The following FMN2 variants were observed in gnomAD, a reference collection of about 807,000 sequenced individuals.
FMN2 encodes formin 2.
A neutral mutation model predicts 142.3 loss-of-function variants in FMN2; 51 were observed. That is an observed-to-expected ratio of 0.36 (90% CI 0.29 to 0.45). The LOEUF (loss-of-function observed/expected upper bound fraction) is 0.45. Ranked by LOEUF, FMN2 falls within the 20% of genes least tolerant of loss-of-function variation. FMN2 has a pLI of 1.00. For missense variants in FMN2, 1,936 were observed against 2,122.8 expected, an observed-to-expected ratio of 0.91 and a Z score of 1.73; for synonymous variants, 882 against 869.8, an observed-to-expected ratio of 1.01 and a Z score of -0.25.
In FMN2 at chr1:240,438,072, C is replaced by T. The variant is rs1675462971; in HGVS notation, c.4922C>T (p.Thr1641Ile). The change falls in exon 16 of 18, where the codon ACC becomes ATC. Residue 1641 changes from threonine to isoleucine, a missense_variant. Thr to Ile is a moderately conservative substitution (Grantham distance 89, BLOSUM62 -1). Coordinates refer to ENST00000319653, the MANE Select transcript of FMN2 (RefSeq NM_020066.5). ...GTATGATTTGACAGCTTTTTGGAGA[C>T]CACGGCATATTTCTTCATGAAACCA... ...LTETHKCFLE[T>I]TAYFFMKPKL... is the part of the protein sequence containing the mutation. 6 of 1,613,096 alleles carry T rather than the reference C, an allele frequency of 3.7e-6. No individual in the cohort carries two copies. The highest frequency in any genetic ancestry group is 5.1e-6 in the Non-Finnish European group (6 of 1,179,702).
At chr1:240,260,260 A>G (rs1197163681) in intron 7 of FMN2, among the ~76,000 whole-genome samples, 2 of 152,126 alleles carry the variant, frequency 1.3e-5, no homozygotes, top group Non-Finnish European at 2.9e-5. Flanking sequence ...TCCTCTGGGT[A>G]GATATCCAGT....
At chr1:240,468,562 C>T (rs910516814) in intron 16 of FMN2, among the ~76,000 whole-genome samples, 4 of 152,164 alleles carry the variant, frequency 2.6e-5, no homozygotes, top group African/African-American at 9.7e-5. Flanking sequence ...TTTACTTTCT[C>T]CTCCTTCCCA....
At chr1:240,328,428 A>G (rs1671267668) in intron 8 of FMN2, among the ~76,000 whole-genome samples, 2 of 151,922 alleles carry the variant, frequency 1.3e-5, no homozygotes, top group Non-Finnish European at 1.5e-5. Context: ...AGACAGGCAA[A>G]ATAACAAAGG....
chr1:240,125,990 C>T (rs1381294699), intron 2 of FMN2, among the ~76,000 whole-genome samples: 1 of 152,146 alleles, frequency 6.6e-6, no homozygotes. Context: ...CCTCTCTACT[C>T]CCCCATCAAA....
At chr1:240,276,194 A>G (rs978792000) in intron 7 of FMN2, among the ~76,000 whole-genome samples, 9 of 152,192 alleles carry the variant, frequency 5.9e-5, no homozygotes, top group African/African-American at 1.9e-4. Context: ...GTTAGTGGCC[A>G]TGATTTTAAG....
chr1:240,118,488 C>G (rs181555578), intron 1 of FMN2, among the ~76,000 whole-genome samples: 1 of 152,146 alleles, frequency 6.6e-6, no homozygotes, highest in Non-Finnish European at 1.5e-5. Context: ...TGTTCTCCCC[C>G]ACCTGGGACC....
intron 6 of FMN2, among the ~76,000 whole-genome samples, chr1:240,219,615 A>G (rs970912362): frequency 6.6e-6 from 1 of 152,170 alleles, no homozygotes; most frequent in African/African-American, 2.4e-5. Flanking sequence ...TTTCTTTTTT[A>G]AAGCCATAAC....
At chr1:240,344,692 A>T (rs1437144580) in intron 13 of FMN2, among the ~76,000 whole-genome samples, 8 of 152,220 alleles carry the variant, frequency 5.3e-5, no homozygotes, top group Admixed American at 5.2e-4. Context: ...TATATATATT[A>T]GAAAAAATAA....
intron 16 of FMN2, among the ~76,000 whole-genome samples, chr1:240,469,656 T>C (rs768958262): frequency 6.6e-6 from 1 of 152,246 alleles, no homozygotes; most frequent in Non-Finnish European, 1.5e-5. Context: ...GATGTGCCTG[T>C]TAAACAAGGC....
chr1:240,222,094 A>C (rs924492110), intron 6 of FMN2, among the ~76,000 whole-genome samples: 1 of 150,490 alleles, frequency 6.6e-6, no homozygotes, highest in African/African-American at 2.4e-5. Context: ...CCTGGCCTCA[A>C]GTCACCCACC....
intron 13 of FMN2, among the ~76,000 whole-genome samples, chr1:240,346,560 A>G (rs1671915704): frequency 6.6e-6 from 1 of 152,220 alleles, no homozygotes; most frequent in African/African-American, 2.4e-5. Context: ...AGAGGGACAG[A>G]GAGAAACACA....
intron 6 of FMN2, among the ~76,000 whole-genome samples, chr1:240,228,308 AAAAAAAAAAAAAAAAAAAAAAAAAG>A (rs1419118497): frequency 1.6e-4 from 10 of 62,426 alleles, no homozygotes; most frequent in Non-Finnish European, 2.9e-4. Context: ...TGTCTCAAAA[AAAAAAAAAAAAAAAAAAAAAAAAAG>A]AAAAAGAAAA....
chr1:240,366,585 G>T lies in FMN2; in HGVS notation c.4858+10677G>T, dbSNP rs548200915. On this transcript the variant is annotated intron_variant, in intron 14 of 17. Transcript: ENST00000319653. ...ATGGAGTTTCGCTCTTGTTGCCCAG[G>T]TTGGAGTACAATGGCACGATCTCGG... Among the ~76,000 whole-genome samples, 5 of 149,196 alleles carry T rather than the reference G, an allele frequency of 3.4e-5. No homozygotes were observed. In the East Asian group the frequency reaches 9.9e-4, roughly 29 times the overall value.
At chr1:240,415,466 A>G (rs1674546898) in intron 15 of FMN2, among the ~76,000 whole-genome samples, 1 of 151,908 alleles carries the variant, frequency 6.6e-6, no homozygotes, top group Non-Finnish European at 1.5e-5. Context: ...GCAAACCACC[A>G]TGGCACATGT....
chr1:240,265,540 G>A (rs1480943198), intron 7 of FMN2, among the ~76,000 whole-genome samples: 1 of 152,112 alleles, frequency 6.6e-6, no homozygotes, highest in African/African-American at 2.4e-5. Context: ...GTTCTCACCA[G>A]TGACTGAGTC....
intron 7 of FMN2, chr1:240,285,094 C>T: frequency 2.8e-6 from 1 of 353,628 alleles, no homozygotes; most frequent in Non-Finnish European, 5.9e-6. Flanking sequence ...TTCTGTTACC[C>T]TGTTTTTTGT....
chr1:240,348,228 T>G (rs1207776537), intron 13 of FMN2, among the ~76,000 whole-genome samples: 4 of 151,392 alleles, frequency 2.6e-5, no homozygotes, highest in Non-Finnish European at 2.9e-5. Context: ...TTTTACTTTT[T>G]TTTTTTTTTT....
chr1:240,365,010 T>C lies in FMN2; in HGVS notation c.4858+9102T>C, dbSNP rs1333704662. ...ATGTTTAAATAATGCATGTATCTAT[T>C]ATAAAATACAGGACCATAATGGAAT... On this transcript the variant is annotated intron_variant, in intron 14 of 17. Transcript: ENST00000319653. 2.6e-5 allele frequency among the ~76,000 whole-genome samples: 4 copies of C among 152,366 alleles called. No homozygotes were observed. In the South Asian group the frequency reaches 8.3e-4, roughly 32 times the overall value.
intron 1 of FMN2, among the ~76,000 whole-genome samples, chr1:240,107,016 A>G (rs1391166983): frequency 6.6e-6 from 1 of 151,450 alleles, no homozygotes; most frequent in Non-Finnish European, 1.5e-5. Context: ...CCACTCTCCA[A>G]ATTTTCCAGT....
Sources: gnomAD v4.1 joint callset for allele counts (sites outside exome capture counted in the v4.1 genomes callset) on GRCh38, gnomAD v4.1.1 for gene constraint, MANE v1.5 for transcripts, NCBI Gene and HGNC (gene_info 2026-07-23, HGNC 2026-07-21) for gene names.